SDHC: variants seen among roughly 807,000 people sequenced by gnomAD.
SDHC encodes the protein succinate dehydrogenase cytochrome b560 subunit, mitochondrial.
Under a neutral mutation model 22.6 loss-of-function variants are expected in SDHC, and 11 were observed. That is an observed-to-expected ratio of 0.49 (90% confidence interval 0.31 to 0.81). The LOEUF (loss-of-function observed/expected upper bound fraction) is 0.81. SDHC is among the 30% of genes least tolerant of loss of function. The pLI, the probability that SDHC is intolerant of heterozygous loss-of-function variation, is 0.05. For synonymous variants in SDHC, 80 were observed against 77.8 expected, an observed-to-expected ratio of 1.03 and a Z score of -0.15; for missense variants, 160 against 212.0, an observed-to-expected ratio of 0.75 and a Z score of 1.52.
At chr1:161,335,330 A>G (rs1671434629) in intron 3 of SDHC, among the ~76,000 whole-genome samples, 1 of 152,194 alleles carries the variant, frequency 6.6e-6, no homozygotes, top group Non-Finnish European at 1.5e-5. Flanking sequence ...TGTTGTATTA[A>G]TTAATACATA....
chr1:161,329,234 A>G (rs985429988), intron 3 of SDHC, among the ~76,000 whole-genome samples: 2 of 152,094 alleles, frequency 1.3e-5, no homozygotes, highest in African/African-American at 4.8e-5. Flanking sequence ...CAGACATGCT[A>G]ATAAGCAGAT....
At chr1:161,354,475 G>A (rs1254123294) in intron 4 of SDHC, among the ~76,000 whole-genome samples, 1 of 152,056 alleles carries the variant, frequency 6.6e-6, no homozygotes, top group East Asian at 1.9e-4. Flanking sequence ...GGGCAGCTTG[G>A]TGTAGTTTGG....
intron 3 of SDHC, 32 bp downstream of exon 3, chr1:161,328,529 G>C (rs767322519): frequency 1.4e-6 from 2 of 1,458,600 alleles, no homozygotes; most frequent in South Asian, 2.3e-5. Context: ...AGAGAATCTA[G>C]AGGTAGTGGG....
intron 3 of SDHC, among the ~76,000 whole-genome samples, chr1:161,330,578 A>T (rs2102312362): frequency 6.6e-6 from 1 of 152,332 alleles, no homozygotes; most frequent in East Asian, 1.9e-4. Context: ...ATGCTTTTGC[A>T]GCTGAGTCAT....
At chr1:161,354,720 T>A (rs1334503467) in intron 4 of SDHC, among the ~76,000 whole-genome samples, 2 of 144,946 alleles carry the variant, frequency 1.4e-5, no homozygotes, top group East Asian at 4.1e-4. Flanking sequence ...TTTTGTCATT[T>A]GAGATGGAGC....
chr1:161,329,889 G>T (rs942683717), intron 3 of SDHC, among the ~76,000 whole-genome samples: 1 of 152,072 alleles, frequency 6.6e-6, no homozygotes, highest in African/African-American at 2.4e-5. Context: ...AGTCCTTCTC[G>T]CTTTGTATCA....
chr1:161,332,175 A>G (rs889813728), intron 3 of SDHC, among the ~76,000 whole-genome samples: 2 of 152,034 alleles, frequency 1.3e-5, no homozygotes, highest in African/African-American at 4.8e-5. Flanking sequence ...CGGTCTCAAT[A>G]TATTACCCAG....
chr1:161,354,097 C>T (rs1672185443), intron 4 of SDHC, among the ~76,000 whole-genome samples: 1 of 152,132 alleles, frequency 6.6e-6, no homozygotes, highest in African/African-American at 2.4e-5. Flanking sequence ...GTAATCCTCC[C>T]ACCTCAGCCT....
At chr1:161,359,652 A>C (rs1006688591) in intron 5 of SDHC, among the ~76,000 whole-genome samples, 3 of 152,156 alleles carry the variant, frequency 2.0e-5, no homozygotes, top group African/African-American at 7.2e-5. Context: ...CTGTGATGGT[A>C]ATCTTTTTGT....
intron 5 of SDHC, among the ~76,000 whole-genome samples, chr1:161,361,861 A>C (rs1378036697): frequency 2.0e-5 from 3 of 151,812 alleles, no homozygotes; most frequent in Non-Finnish European, 4.4e-5. Flanking sequence ...AAAAAAAAAA[A>C]AAACTGTTTA....
rs780106501 is a variant in SDHC, at chr1:161,328,378, G to A, written c.78-18G>A. 5.8e-6 allele frequency: 9 copies of A among 1,561,722 alleles called. No homozygotes were observed. The highest frequency in any genetic ancestry group is 3.3e-5 in the South Asian group (3 of 89,984). ...AGTTTACTTTTAGTTATTTTCAAAC[G>A]GTCTGGTTTTATTTTAGTGCTGTTC... On this transcript the variant is annotated intron_variant, in intron 2 of 5. Coordinates refer to ENST00000367975, the MANE Select transcript of SDHC (RefSeq NM_003001.5).
chr1:161,354,321 A>G (rs1448493737), intron 4 of SDHC, among the ~76,000 whole-genome samples: 2 of 152,242 alleles, frequency 1.3e-5, no homozygotes, highest in Non-Finnish European at 2.9e-5. Flanking sequence ...GATCATTGAA[A>G]GAAATCTAAC....
At chr1:161,354,711 T>TG in intron 4 of SDHC, among the ~76,000 whole-genome samples, 1 of 121,052 alleles carries the variant, frequency 8.3e-6, no homozygotes, top group Non-Finnish European at 1.8e-5. Flanking sequence ...GTGTGTGTGT[T>TG]TTGTCATTTG....
chr1:161,335,725 C>A (rs921899700), intron 3 of SDHC, among the ~76,000 whole-genome samples: 1 of 152,014 alleles, frequency 6.6e-6, no homozygotes, highest in African/African-American at 2.4e-5. Flanking sequence ...CTTCTAGGCC[C>A]GGTCTGTGGA....
chr1:161,335,580 A>G (rs1367509352), intron 3 of SDHC, among the ~76,000 whole-genome samples: 2 of 152,088 alleles, frequency 1.3e-5, no homozygotes, highest in Non-Finnish European at 2.9e-5. Flanking sequence ...AATTTCCCCA[A>G]AGGATTATAC....
chr1:161,343,627 A>T (rs1036291002), intron 4 of SDHC, among the ~76,000 whole-genome samples: 1 of 152,156 alleles, frequency 6.6e-6, no homozygotes, highest in Non-Finnish European at 1.5e-5. Flanking sequence ...CTAACTGTAG[A>T]TTCATAATTA....
In SDHC at chr1:161,318,672, A is replaced by G. The variant is rs186104380; in HGVS notation, c.20+4247A>G. ...TTTTAAAATAAGCATATTCATTCAC[A>G]AACCTTTTTATTTTGTTATTTTTAT... On this transcript the variant is annotated intron_variant, in intron 1 of 5. Transcript: ENST00000367975. Among the ~76,000 whole-genome samples the G allele has an allele frequency of 2.2e-3, 328 of 152,344 alleles. 2 individuals carry two copies. The highest frequency in any genetic ancestry group is 6.8e-3 in the Middle Eastern group (2 of 294).
intron 3 of SDHC, chr1:161,339,432 C>T (rs1671625255): frequency 2.1e-5 from 7 of 333,380 alleles, no homozygotes; most frequent in South Asian, 1.4e-4. Context: ...CGGCCCCCGC[C>T]TTGGCCTCCC....
chr1:161,334,054 T>C (rs1216414869), intron 3 of SDHC, among the ~76,000 whole-genome samples: 6 of 152,226 alleles, frequency 3.9e-5, no homozygotes, highest in African/African-American at 1.2e-4. Context: ...TATTACCTTA[T>C]AGTTCTGTGG....
Sources: allele counts gnomAD v4.1 joint callset (sites outside exome capture counted in the v4.1 genomes callset), GRCh38; gene constraint gnomAD v4.1.1; transcripts MANE v1.5; gene names NCBI Gene and HGNC (gene_info 2026-07-23, HGNC 2026-07-21).